The following PAPPA variants were observed in gnomAD, a reference collection of about 807,000 sequenced individuals.
PAPPA encodes the protein pappalysin 1.
A neutral mutation model predicts 164.0 loss-of-function variants in PAPPA; 60 were observed. The ratio of observed to expected loss-of-function variants is 0.37; its 90% CI spans 0.30 to 0.45. The LOEUF (loss-of-function observed/expected upper bound fraction) is 0.45, where lower values mean the gene tolerates loss of function less well. PAPPA is among the 20% of genes least tolerant of loss of function. The pLI, the probability that PAPPA is intolerant of heterozygous loss-of-function variation, is 1.00. For missense variants in PAPPA, 1,782 were observed against 2,087.3 expected, an observed-to-expected ratio of 0.85 and a Z score of 2.85; for synonymous variants, 875 against 814.1, an observed-to-expected ratio of 1.07 and a Z score of -1.27.
chr9:116,382,748 A>ATAAG (rs1846749358), intron 21 of PAPPA, among the ~76,000 whole-genome samples: 1 of 152,168 alleles, frequency 6.6e-6, no homozygotes, highest in Admixed American at 6.5e-5. Context: ...TAAAACTGCA[A>ATAAG]TAAGTACTTT....
intron 17 of PAPPA, among the ~76,000 whole-genome samples, chr9:116,360,875 T>C (rs1846417629): frequency 6.6e-6 from 1 of 152,120 alleles, no homozygotes; most frequent in Non-Finnish European, 1.5e-5. Flanking sequence ...AAACAGATGA[T>C]AAACAAATAG....
rs1844223561 is a variant in PAPPA at position 116,205,456 on chromosome 9, G to C, written c.1479-2000G>C. Among the ~76,000 whole-genome samples the C allele has an allele frequency of 2.0e-5, 3 of 152,150 alleles. No homozygotes were observed. The South Asian group carries it at 6.2e-4, about 32-fold the overall frequency. On this transcript the variant is annotated intron_variant, in intron 2 of 21. Transcript: ENST00000328252. ...TTGATGGAAATGAACAAATCAATTA[G>C]AAAATAATAAATTATGTGGAAAGGG... is the stretch of plus-strand genomic sequence containing the variant.
rs1318471906 is a variant in PAPPA, at chr9:116,353,771, G to A, written c.4325G>A (p.Cys1442Tyr). 5 of 1,613,410 alleles carry A rather than the reference G, an allele frequency of 3.1e-6. No individual in the cohort carries two copies. Among genetic ancestry groups the A allele is most frequent in the Non-Finnish European group, 8.5e-7 (1 of 1,179,700 alleles). ...FQFNSECRIK[C>Y]EDSDASQGLG... ...TTCAACAGTGAGTGTAGGATCAAGT[G>A]TGAAGACAGTGATGCCTCCCAGGTA... The change falls in exon 17 of 22, where the codon TGT (cysteine) becomes TAT (tyrosine). Residue 1442 changes from cysteine to tyrosine, a missense_variant. This residue lies in a region of PAPPA where 1,324 missense variants were observed against 1,656.9 expected (regional missense o/e 0.80). Coordinates refer to ENST00000328252, the MANE Select transcript of PAPPA (RefSeq NM_002581.5).
intron 6 of PAPPA, 101 bp from the exon 7 acceptor site, chr9:116,235,038 A>T (rs1383329746): frequency 3.0e-6 from 4 of 1,316,178 alleles, no homozygotes; most frequent in Non-Finnish European, 4.3e-6. Context: ...CCTCTGTCTA[A>T]GTTCTAGTCA....
chr9:116,321,736 A>G (rs987979516), intron 10 of PAPPA, among the ~76,000 whole-genome samples: 1 of 152,224 alleles, frequency 6.6e-6, no homozygotes, highest in Non-Finnish European at 1.5e-5. Flanking sequence ...TGGGAAAGCC[A>G]TATTAGTTTA....
At chr9:116,383,813 G>T (rs1374384070) in intron 21 of PAPPA, among the ~76,000 whole-genome samples, 2 of 152,158 alleles carry the variant, frequency 1.3e-5, no homozygotes, top group East Asian at 1.9e-4. Context: ...ATTTTTGATT[G>T]ATAGGACACT....
intron 10 of PAPPA, among the ~76,000 whole-genome samples, chr9:116,305,692 G>T (rs1285879653): frequency 6.6e-6 from 1 of 152,154 alleles, no homozygotes; most frequent in Non-Finnish European, 1.5e-5. Flanking sequence ...GGAACACAGT[G>T]GCTTCACTAT....
chr9:116,185,417 G>A (rs988463741), intron 1 of PAPPA, among the ~76,000 whole-genome samples: 15 of 152,184 alleles, frequency 9.9e-5, no homozygotes, highest in Non-Finnish European at 4.4e-5. Context: ...ACTGCCCACA[G>A]AGGAGTGAAG....
rs116194500 is a variant in PAPPA at position 116,187,855 on chromosome 9, G to A, written c.1117G>A (p.Glu373Lys). 460 of 1,614,174 alleles carry A rather than the reference G, an allele frequency of 2.8e-4. 2 individuals are homozygous for A. In the African/African-American group the frequency reaches 5.2e-3, roughly 18 times the overall value. ...TCATAAGAACCCGACGGTGACGCGC[G>A]AGCAGGTGGACTTCCAGCACCATCA... ...DDHKNPTVTR[E>K]QVDFQHHQLA... is the part of the protein sequence containing the mutation. The change falls in exon 2 of 22, where the codon GAG (glutamate) becomes AAG (lysine). Residue 373 changes from glutamate (E) to lysine (K), a missense_variant. By Grantham distance (56) the Glu-to-Lys change is moderately conservative. Around this residue, in one of 2 missense-constraint regions of PAPPA, gnomAD observed 1,324 missense variants for 1,656.9 expected, o/e 0.80. Transcript: ENST00000328252. This position sits in a 1 kb window ranked among gnomAD's most constrained non-coding sequence, Gnocchi z 4.2.
At chr9:116,173,323 C>T (rs1000562392) in intron 1 of PAPPA, among the ~76,000 whole-genome samples, 3 of 152,146 alleles carry the variant, frequency 2.0e-5, no homozygotes, top group African/African-American at 7.2e-5. Flanking sequence ...ACATTTCACC[C>T]TCTTCATTAA....
intron 19 of PAPPA, 96 bp from the exon 20 acceptor site, chr9:116,377,480 C>A (rs1400596330): frequency 2.4e-6 from 2 of 821,942 alleles, no homozygotes; most frequent in Non-Finnish European, 4.1e-6. Context: ...ATTGGAAGGT[C>A]CCAGAAGAGG....
At chr9:116,282,683 A>G (rs1845282229) in intron 9 of PAPPA, among the ~76,000 whole-genome samples, 1 of 152,174 alleles carries the variant, frequency 6.6e-6, no homozygotes, top group African/African-American at 2.4e-5. Context: ...AGGCTTAACT[A>G]CTAATTTATG....
rs769233858 is a variant in PAPPA at position 116,367,688 on chromosome 9, C to T, written c.4539C>T (p.Ser1513=). 8.1e-6 allele frequency: 13 copies of T among 1,614,054 alleles called. No homozygotes were observed. Among genetic ancestry groups the T allele is most frequent in the African/African-American group, 4.0e-5 (3 of 75,034 alleles). ...ATSCLDHNSE[S]IILPMNVTVR... ...CGTGCCTGGACCACAACAGCGAGTCCATCATCCTGCCAATGAACGTGACCG... is the reference window on the plus strand; with the variant it reads ...CGTGCCTGGACCACAACAGCGAGTCTATCATCCTGCCAATGAACGTGACCG... The change falls in exon 19 of 22, where the codon TCC becomes TCT. Residue 1513 remains serine (S), a synonymous_variant. Coordinates refer to ENST00000328252, the MANE Select transcript of PAPPA (RefSeq NM_002581.5).
chr9:116,354,625 A>G (rs1225559136), intron 17 of PAPPA, among the ~76,000 whole-genome samples: 1 of 152,090 alleles, frequency 6.6e-6, no homozygotes, highest in Non-Finnish European at 1.5e-5. Context: ...TATCCAAGCA[A>G]TTACTGAGTC....
intron 4 of PAPPA, among the ~76,000 whole-genome samples, chr9:116,216,275 GA>G (rs1431349074): frequency 5.9e-5 from 9 of 152,176 alleles, no homozygotes; most frequent in Admixed American, 5.9e-4. Flanking sequence ...TATGGTGGGT[GA>G]AAATGTGGCT....
Position 116,398,545 on chromosome 9 carries a change from G to A in PAPPA, c.*1929G>A. ...CCACCATATTATATCACTCCCAATAGCACTGACCTGGTGATCAAAAACACT... is the reference window on the plus strand; with the variant it reads ...CCACCATATTATATCACTCCCAATAACACTGACCTGGTGATCAAAAACACT... On this transcript the variant is annotated 3_prime_UTR_variant, in exon 22 of 22. Coordinates refer to ENST00000328252, the MANE Select transcript of PAPPA (RefSeq NM_002581.5). 7.8e-7 allele frequency: 1 copy of A among 1,278,906 alleles called. No homozygotes were observed. The highest frequency in any genetic ancestry group is 1.0e-6 in the Non-Finnish European group (1 of 982,142). 79.2% of individuals were successfully genotyped at this position (1,278,906 alleles called of 1,614,324 possible).
rs773857227 is a variant in PAPPA at position 116,265,865 on chromosome 9, A to G, written c.2741A>G (p.Asn914Ser). Residue 914 changes from asparagine to serine, a missense_variant, in exon 8 of 22, where the codon AAT becomes AGT. By Grantham distance (46) the Asn-to-Ser change is conservative. Around this residue, in one of 2 missense-constraint regions of PAPPA, gnomAD observed 1,324 missense variants for 1,656.9 expected, o/e 0.80. Coordinates refer to ENST00000328252, the MANE Select transcript of PAPPA (RefSeq NM_002581.5). ...LNRKFVDMDLNLGSVYQYWVI... is the reference protein window; with the variant it reads ...LNRKFVDMDLSLGSVYQYWVI... ...TTCTTTGTATTTTCCAGGGATCTAA[A>G]TCTTGGCAGTGTGTACCAGTATTGG... The G allele has an allele frequency of 6.3e-7, 1 of 1,599,398 alleles. No homozygotes were observed. The highest frequency in any genetic ancestry group is 8.6e-7 in the Non-Finnish European group (1 of 1,168,156).
intron 9 of PAPPA, among the ~76,000 whole-genome samples, chr9:116,289,188 TATATATAGC>T (rs1845390641): frequency 4.1e-5 from 1 of 24,506 alleles, no homozygotes; most frequent in African/African-American, 1.3e-4. Flanking sequence ...ATATGTAGCA[TATATATAGC>T]ATATATATAT....
intron 7 of PAPPA, among the ~76,000 whole-genome samples, chr9:116,255,343 A>T (rs1844915340): frequency 6.6e-6 from 1 of 152,046 alleles, no homozygotes; most frequent in South Asian, 2.1e-4. Flanking sequence ...CAACTAAAAA[A>T]TTCAAATAAT....
Sources: allele counts gnomAD v4.1 joint callset (sites outside exome capture counted in the v4.1 genomes callset), GRCh38; gene constraint gnomAD v4.1.1; regional missense constraint gnomAD v4.1.1; non-coding constraint Gnocchi (gnomAD v3.1); transcripts MANE v1.5; gene names NCBI Gene and HGNC (gene_info 2026-07-23, HGNC 2026-07-21).